The following TSHZ2 variants were observed in gnomAD, a reference collection of about 807,000 sequenced individuals.
The protein encoded by TSHZ2 is teashirt zinc finger homeobox 2, also known as teashirt homolog 2.
In TSHZ2, 21 loss-of-function variants were observed where a neutral mutation model predicts 74.4. The observed-to-expected ratio is 0.28, with a 90% CI of 0.20 to 0.41. The LOEUF (loss-of-function observed/expected upper bound fraction) is 0.41, where lower values mean the gene tolerates loss of function less well. Among genes scored for constraint, TSHZ2 ranks in the 10% least tolerant of loss-of-function variants. The probability of loss-of-function intolerance (pLI) is 1.00; values close to 1 mark genes in which losing one functional copy is unlikely to be tolerated. For missense variants in TSHZ2, 1,244 were observed against 1,293.5 expected (o/e 0.96, Z 0.59); for synonymous variants, 540 against 515.3 (o/e 1.05, Z -0.65).
intron 2 of TSHZ2, chr20:53,455,238 G>C (rs569927310): frequency 6.8e-4 from 104 of 152,210 alleles, no homozygotes; most frequent in African/African-American, 2.3e-3. Context: ...CCCTGCTTAC[G>C]GTCTTCACAG....
At chr20:53,408,583 G>A (rs1235111587) in intron 2 of TSHZ2, among the ~76,000 whole-genome samples, 1 of 151,964 alleles carries the variant, frequency 6.6e-6, no homozygotes, top group African/African-American at 2.4e-5. Context: ...GAAATCCATC[G>A]ATTTCCAAAT....
At chr20:53,033,177 A>G (rs1161109012) in intron 1 of TSHZ2, among the ~76,000 whole-genome samples, 1 of 152,210 alleles carries the variant, frequency 6.6e-6, no homozygotes, top group Non-Finnish European at 1.5e-5. Flanking sequence ...TAGCAAAAAG[A>G]CTATTGTGCC....
At chr20:53,111,791 T>C (rs1986540772) in intron 1 of TSHZ2, among the ~76,000 whole-genome samples, 1 of 152,088 alleles carries the variant, frequency 6.6e-6, no homozygotes, top group African/African-American at 2.4e-5. Context: ...GGAAAGTCAG[T>C]GTTTCCTTCC....
chr20:53,301,849 T>C (rs758617462), intron 2 of TSHZ2, among the ~76,000 whole-genome samples: 7 of 152,088 alleles, frequency 4.6e-5, no homozygotes, highest in Non-Finnish European at 8.8e-5. Context: ...GGGAGAAAAG[T>C]ATATGTTTGA....
chr20:53,058,128 G>A (rs978726716), intron 1 of TSHZ2, among the ~76,000 whole-genome samples: 14 of 152,172 alleles, frequency 9.2e-5, no homozygotes, highest in African/African-American at 3.4e-4. Context: ...GCCCTTGAGA[G>A]AATCCAATGT....
intron 1 of TSHZ2, among the ~76,000 whole-genome samples, chr20:53,237,551 TC>T (rs1989969713): frequency 6.6e-6 from 1 of 151,410 alleles, no homozygotes; most frequent in Non-Finnish European, 1.5e-5. Flanking sequence ...ATTTCTTTCT[TC>T]TACATACGAA....
chr20:53,406,316 G>T (rs900829259), intron 2 of TSHZ2, among the ~76,000 whole-genome samples: 2 of 152,212 alleles, frequency 1.3e-5, no homozygotes, highest in African/African-American at 4.8e-5. Context: ...TACAGATTTT[G>T]CTCTAAGAAT....
chr20:53,044,341 G>A (rs150391318), intron 1 of TSHZ2, among the ~76,000 whole-genome samples: 85 of 152,302 alleles, frequency 5.6e-4, no homozygotes, highest in East Asian at 2.5e-3. Context: ...GCTCTGTAGC[G>A]TAGCCATGGT....
chr20:53,420,458 G>C (rs986020650), intron 2 of TSHZ2, among the ~76,000 whole-genome samples: 1 of 152,182 alleles, frequency 6.6e-6, no homozygotes, highest in African/African-American at 2.4e-5. Context: ...GGCCAGGCGC[G>C]GTGGCTCACG....
intron 2 of TSHZ2, among the ~76,000 whole-genome samples, chr20:53,368,753 T>C (rs1415158341): frequency 6.6e-6 from 1 of 152,250 alleles, no homozygotes; most frequent in Non-Finnish European, 1.5e-5. Context: ...TGAAATTTAC[T>C]CAGTATGAAG....
rs749729408 is a variant in TSHZ2 at position 53,254,414 on chromosome 20, C to T, written c.956C>T (p.Pro319Leu). ...VPTISSKMVT[P>L]AKKRVFDVNR... ...ACCATTTCCTCGAAAATGGTCACCC[C>T]GGCTAAGAAACGCGTTTTTGATGTC... The change falls in exon 2 of 3, where the codon CCG becomes CTG. Residue 319 changes from proline (P) to leucine (L), a missense_variant. Physicochemically the swap from Pro to Leu is moderately conservative, Grantham distance 98. Transcript: ENST00000371497. The T allele has an allele frequency of 7.4e-6, 12 of 1,613,520 alleles. No individual in the cohort carries two copies. Among genetic ancestry groups the T allele is most frequent in the South Asian group, 2.2e-5 (2 of 91,056 alleles).
At chr20:53,294,471 A>AT (rs1431669449) in intron 2 of TSHZ2, among the ~76,000 whole-genome samples, 1 of 151,954 alleles carries the variant, frequency 6.6e-6, no homozygotes, top group Non-Finnish European at 1.5e-5. Context: ...CCACAAGCTT[A>AT]TAAAAAAAAA....
intron 1 of TSHZ2, among the ~76,000 whole-genome samples, chr20:53,035,578 C>A (rs574562260): frequency 6.6e-6 from 1 of 152,146 alleles, no homozygotes; most frequent in East Asian, 1.9e-4. Flanking sequence ...TATTATTTCC[C>A]CGTAGGAATA....
Position 53,469,416 on chromosome 20 carries a change from C to T in TSHZ2, c.*9-17728C>T, listed in dbSNP as rs1373785836. ...AAAATTAGCTGGACATGGTGGTGCA[C>T]GCCTGTAGTCCCAGCTACTTGGGAG... is the stretch of plus-strand genomic sequence containing the variant. On this transcript the variant is annotated intron_variant, in intron 2 of 2. Transcript: ENST00000371497. 3.3e-5 allele frequency among the ~76,000 whole-genome samples: 5 copies of T among 151,832 alleles called. No individual in the cohort carries two copies. In the East Asian group the frequency reaches 7.8e-4, roughly 24 times the overall value.
intron 2 of TSHZ2, among the ~76,000 whole-genome samples, chr20:53,417,851 T>C (rs1983326373): frequency 6.6e-6 from 1 of 152,152 alleles, no homozygotes; most frequent in African/African-American, 2.4e-5. Context: ...ATCTGGAGAA[T>C]ACATAATAAA....
At chr20:53,050,383 T>A (rs994232617) in intron 1 of TSHZ2, among the ~76,000 whole-genome samples, 5 of 152,046 alleles carry the variant, frequency 3.3e-5, no homozygotes, top group African/African-American at 1.2e-4. Flanking sequence ...TCTTCACAAA[T>A]AAAGCATCTG....
Position 53,471,290 on chromosome 20 carries a change from G to C in TSHZ2, c.*9-15854G>C, listed in dbSNP as rs186666494. On this transcript the variant is annotated intron_variant, in intron 2 of 2. Transcript: ENST00000371497. Reference sequence around the variant, plus strand: ...ATGGTTTCCATGTTAGAAAAGATAGGCTTCAAATTAGTGTCTTTAGAACTC... The same window carrying C: ...ATGGTTTCCATGTTAGAAAAGATAGCCTTCAAATTAGTGTCTTTAGAACTC... Among the ~76,000 whole-genome samples, 40 of 152,130 alleles carry C rather than the reference G, an allele frequency of 2.6e-4. No homozygotes were observed. The East Asian group carries it at 7.5e-3, about 29-fold the overall frequency.
rs775547288 is a variant in TSHZ2 at position 53,254,337 on chromosome 20, C to T, written c.879C>T (p.His293=). Residue 293 remains histidine (H), a synonymous_variant, in exon 2 of 3, where the codon CAC becomes CAT. Coordinates refer to ENST00000371497, the MANE Select transcript of TSHZ2 (RefSeq NM_173485.6). ...SFDSLQDLSV[H]MIKTKHYQKV... Reference sequence around the variant, plus strand: ...ATTCCCTCCAAGATTTGAGCGTCCACATGATTAAAACAAAACATTACCAAA... The same window carrying T: ...ATTCCCTCCAAGATTTGAGCGTCCATATGATTAAAACAAAACATTACCAAA... 2.5e-6 allele frequency: 4 copies of T among 1,614,166 alleles called. No homozygotes were observed. The South Asian group carries it at 3.3e-5, about 13-fold the overall frequency.
intron 2 of TSHZ2, among the ~76,000 whole-genome samples, chr20:53,391,664 C>T (rs1047099447): frequency 1.4e-4 from 21 of 152,066 alleles, no homozygotes; most frequent in East Asian, 5.8e-4. Flanking sequence ...GCAAAATAGC[C>T]GAGCACAGTG....
Sources: allele counts gnomAD v4.1 joint callset (sites outside exome capture counted in the v4.1 genomes callset), GRCh38; gene constraint gnomAD v4.1.1; transcripts MANE v1.5; gene names NCBI Gene and HGNC (gene_info 2026-07-23, HGNC 2026-07-21).